FAM20A: variants seen among roughly 807,000 people sequenced by gnomAD.
FAM20A encodes the protein FAM20A golgi associated secretory pathway pseudokinase, also known as pseudokinase FAM20A.
A neutral mutation model predicts 52.0 loss-of-function variants in FAM20A; 42 were observed. The ratio of observed to expected loss-of-function variants is 0.81; its 90% CI spans 0.63 to 1.04. The LOEUF (loss-of-function observed/expected upper bound fraction) is 1.04, where lower values mean the gene tolerates loss of function less well. FAM20A is among the 50% of genes least tolerant of loss of function. The probability of loss-of-function intolerance (pLI) is 0.00; values close to 1 mark genes in which losing one functional copy is unlikely to be tolerated. For synonymous variants in FAM20A, 304 were observed against 298.9 expected (o/e 1.02, Z -0.18); for missense variants, 742 against 712.7 (o/e 1.04, Z -0.47).
chr17:68,553,965 CAT>C (rs759688381), intron 3 of FAM20A, among the ~76,000 whole-genome samples: 3,989 of 130,030 alleles, frequency 0.031, 168 homozygotes, highest in Middle Eastern at 0.047. Flanking sequence ...TGCATATATA[CAT>C]ATATACACAC....
chr17:68,578,115 A>T (rs546817224), intron 1 of FAM20A, among the ~76,000 whole-genome samples: 2 of 152,306 alleles, frequency 1.3e-5, no homozygotes, highest in South Asian at 4.1e-4. Flanking sequence ...CGTGGTGTAA[A>T]GGCAATACTC....
At chr17:68,587,297 A>C (rs1238395442) in intron 1 of FAM20A, among the ~76,000 whole-genome samples, 2 of 152,206 alleles carry the variant, frequency 1.3e-5, no homozygotes, top group African/African-American at 4.8e-5. Context: ...AGTGCAGCAA[A>C]GTGTGTAGCA....
Position 68,537,055 on chromosome 17 carries a change from G to C in FAM20A, c.*422C>G, listed in dbSNP as rs1214030251. 2 of 457,142 alleles carry C rather than the reference G, an allele frequency of 4.4e-6. No homozygotes were observed. The highest frequency in any genetic ancestry group is 2.3e-5 in the Admixed American group (1 of 42,646). 28.3% of individuals were successfully genotyped at this position (457,142 alleles called of 1,614,324 possible). A position where few individuals can be genotyped will look rare whatever the true frequency, so the allele number is the denominator to read the frequency against. Reference sequence around the variant, plus strand: ...TTTTTAGTCAGCTTGTGATAGGCCAGGTGTTTTGTCTGGACCAGGAGTTAT... The same window carrying C: ...TTTTTAGTCAGCTTGTGATAGGCCACGTGTTTTGTCTGGACCAGGAGTTAT... On this transcript the variant is annotated 3_prime_UTR_variant, in exon 11 of 11. Coordinates refer to ENST00000592554, the MANE Select transcript of FAM20A (RefSeq NM_017565.4). The surrounding 1 kb of genome is among the most constrained non-coding windows in gnomAD (Gnocchi z 4.2).
intron 8 of FAM20A, chr17:68,540,492 G>A (rs146701149): frequency 4.2e-6 from 2 of 473,144 alleles, no homozygotes; most frequent in Admixed American, 2.3e-5. Flanking sequence ...GTGTGTCCGT[G>A]GCCTCGCCTG....
At chr17:68,539,231 AC>A (rs1403044761) in intron 10 of FAM20A, 105 bp downstream of exon 10, 3 of 1,043,000 alleles carry the variant, frequency 2.9e-6, no homozygotes, top group Non-Finnish European at 4.5e-6. Flanking sequence ...CTACCCACTT[AC>A]GTCCTGGACC....
intron 1 of FAM20A, among the ~76,000 whole-genome samples, chr17:68,597,664 T>G (rs1266472731): frequency 6.6e-6 from 1 of 152,168 alleles, no homozygotes; most frequent in Non-Finnish European, 1.5e-5. Context: ...GGATTACCAG[T>G]GTGAGCCACT....
At chr17:68,564,878 G>A (rs982099966) in intron 1 of FAM20A, among the ~76,000 whole-genome samples, 3 of 152,108 alleles carry the variant, frequency 2.0e-5, no homozygotes, top group Admixed American at 1.3e-4. Context: ...GGGGTGCTGC[G>A]AGTGCTCCAG....
intron 3 of FAM20A, among the ~76,000 whole-genome samples, chr17:68,553,921 CATAT>C (rs201099915): frequency 4.5e-5 from 6 of 133,664 alleles, no homozygotes; most frequent in African/African-American, 1.1e-4. Flanking sequence ...TATATACACA[CATAT>C]ATGCATATAT....
At chr17:68,576,322 T>C (rs929366774) in intron 1 of FAM20A, among the ~76,000 whole-genome samples, 4 of 152,214 alleles carry the variant, frequency 2.6e-5, no homozygotes, top group African/African-American at 9.6e-5. Context: ...ACAGGTCCAT[T>C]GTTAGCCCAT....
intron 1 of FAM20A, among the ~76,000 whole-genome samples, chr17:68,570,116 C>A (rs2087498815): frequency 6.6e-6 from 1 of 152,140 alleles, no homozygotes; most frequent in South Asian, 2.1e-4. Context: ...TGCTTTGTCG[C>A]CCAGGCTGGA....
intron 4 of FAM20A, among the ~76,000 whole-genome samples, chr17:68,545,935 T>C (rs573767386): frequency 3.9e-5 from 6 of 152,094 alleles, no homozygotes; most frequent in Non-Finnish European, 8.8e-5. Context: ...TTTGGGAGGC[T>C]GAGGCAGGTG....
Position 68,597,571 on chromosome 17 carries a change from G to C in FAM20A, c.404+2692C>G, listed in dbSNP as rs575597174. On this transcript the variant is annotated intron_variant, in intron 1 of 10. Transcript: ENST00000592554. ...AACTAATTTTTGTATTTTTAATAGA[G>C]ATGGGATTTCACCATGTTGACCAGT... Among the ~76,000 whole-genome samples, 4 of 152,268 alleles carry C rather than the reference G, an allele frequency of 2.6e-5. No homozygotes were observed. The East Asian group carries it at 7.7e-4, about 29-fold the overall frequency.
At chr17:68,567,760 C>T (rs1282842593) in intron 1 of FAM20A, among the ~76,000 whole-genome samples, 2 of 151,984 alleles carry the variant, frequency 1.3e-5, no homozygotes, top group African/African-American at 4.9e-5. Flanking sequence ...CACGTGTCAA[C>T]GAAGGGACCA....
chr17:68,544,566 T>A lies in FAM20A; in HGVS notation c.720-845A>T, dbSNP rs567825853. On this transcript the variant is annotated intron_variant, in intron 4 of 10. Transcript: ENST00000592554. ...GCGATTTAGATGTAAATAAACGTGA[T>A]GTTGCAGAAATCTATAAATAAGAAG... 1.6e-4 allele frequency among the ~76,000 whole-genome samples: 24 copies of A among 152,352 alleles called. No individual in the cohort carries two copies. The South Asian group carries it at 4.8e-3, about 30-fold the overall frequency.
At position 68,601,005 on chromosome 17, in the gene FAM20A, G is replaced by GGGCGCC. The variant is rs902735085; in HGVS notation, c.-345_-340dup. ...CGCTCGCGGCAGGTGAAGGGCCCCG[G>GGGCGCC]GGCGCCGGCGCCGGCTGCCACCGCG... On this transcript the variant is annotated 5_prime_UTR_variant, in exon 1 of 11. Coordinates refer to ENST00000592554, the MANE Select transcript of FAM20A (RefSeq NM_017565.4). 7 of 164,674 alleles carry GGGCGCC rather than the reference G, an allele frequency of 4.3e-5. No homozygotes were observed. The highest frequency in any genetic ancestry group is 1.2e-4 in the African/African-American group (5 of 41,828). The allele number at this position is 164,674 out of a possible 1,614,324, so 10.2% of individuals were successfully genotyped here. A position where few individuals can be genotyped will look rare whatever the true frequency, so the allele number is the denominator to read the frequency against.
At chr17:68,543,294 T>C (rs10491176) in intron 5 of FAM20A, among the ~76,000 whole-genome samples, 15,921 of 152,046 alleles carry the variant, frequency 0.1, 1,041 homozygotes, top group South Asian at 0.19. Context: ...TCACCTAATA[T>C]CATAACAGTG....
intron 1 of FAM20A, among the ~76,000 whole-genome samples, chr17:68,575,696 A>T (rs1295984283): frequency 8.3e-6 from 1 of 119,852 alleles, no homozygotes; most frequent in Admixed American, 1.1e-4. Flanking sequence ...ATTTTATATT[A>T]TATATATTAT....
Position 68,535,309 on chromosome 17 carries a change from G to A in FAM20A, c.*2168C>T. On this transcript the variant is annotated 3_prime_UTR_variant, in exon 11 of 11. Transcript: ENST00000592554. ...TAAGGTAGGTGTACCACATATCATG[G>A]TGAAATTCAAGCCTATTGCTTTCTG... 1 of 454,122 alleles carries A rather than the reference G, an allele frequency of 2.2e-6. No homozygotes were observed. The allele number at this position is 454,122 out of a possible 1,614,324, so 28.1% of individuals were successfully genotyped here. A position where few individuals can be genotyped will look rare whatever the true frequency, so the allele number is the denominator to read the frequency against.
chr17:68,558,487 C>A, intron 1 of FAM20A: 1 of 235,484 alleles, frequency 4.2e-6, no homozygotes, highest in Non-Finnish European at 9.0e-6. Context: ...TGAGGTCTTG[C>A]TCAGAGTTCA....
Sources: allele counts gnomAD v4.1 joint callset (sites outside exome capture counted in the v4.1 genomes callset), GRCh38; gene constraint gnomAD v4.1.1; non-coding constraint Gnocchi (gnomAD v3.1); transcripts MANE v1.5; gene names NCBI Gene and HGNC (gene_info 2026-07-23, HGNC 2026-07-21).